The following FOXK2 variants were observed in gnomAD, a reference collection of about 807,000 sequenced individuals.
The protein encoded by FOXK2 is forkhead box protein K2.
Under a neutral mutation model 53.3 loss-of-function variants are expected in FOXK2, and 24 were observed. That is an observed-to-expected ratio of 0.45 (90% CI 0.33 to 0.63). The LOEUF (loss-of-function observed/expected upper bound fraction) is 0.63, where lower values mean the gene tolerates loss of function less well. Among genes scored for constraint, FOXK2 ranks in the 30% least tolerant of loss-of-function variants. The pLI, the probability that FOXK2 is intolerant of heterozygous loss-of-function variation, is 0.03. For missense variants in FOXK2, 952 were observed against 910.5 expected (o/e 1.05, Z -0.59); for synonymous variants, 505 against 407.1 (o/e 1.24, Z -2.89).
chr17:82,537,619 C>CAAAA (rs963026198), intron 1 of FOXK2, among the ~76,000 whole-genome samples: 5 of 53,026 alleles, frequency 9.4e-5, no homozygotes, highest in Non-Finnish European at 1.4e-4. Flanking sequence ...GACTCCATCT[C>CAAAA]AAAAAAAAAA....
In FOXK2 at chr17:82,568,197, C is replaced by T. The variant is rs914896269; in HGVS notation, c.758C>T (p.Pro253Leu). 19 of 1,612,016 alleles carry T rather than the reference C, an allele frequency of 1.2e-5. No individual in the cohort carries two copies. The highest frequency in any genetic ancestry group is 2.0e-4 in the Middle Eastern group (1 of 4,958). ...NEKEASGGDS[P>L]KDDSKPPYSY... ...AAGGAAGCTTCAGGTGGAGACAGCC[C>T]GAAGGTAAAGGCTTTGTAGCCTTGA... The change falls in exon 3 of 9, where the codon CCG (proline) becomes CTG (leucine). Residue 253 changes from proline to leucine, a missense_variant. Physicochemically the swap from Pro to Leu is moderately conservative, Grantham distance 98. This residue lies in a region of FOXK2 where 160 missense variants were observed against 214.2 expected (regional missense o/e 0.75). Coordinates refer to ENST00000335255, the MANE Select transcript of FOXK2 (RefSeq NM_004514.4).
At chr17:82,568,745 C>T (rs1411390013) in intron 3 of FOXK2, among the ~76,000 whole-genome samples, 1 of 152,190 alleles carries the variant, frequency 6.6e-6, no homozygotes, top group Non-Finnish European at 1.5e-5. Flanking sequence ...TGTGGTGGCT[C>T]ATGCCTGTAA....
At chr17:82,534,478 C>T (rs1238306032) in intron 1 of FOXK2, among the ~76,000 whole-genome samples, 1 of 152,218 alleles carries the variant, frequency 6.6e-6, no homozygotes, top group Non-Finnish European at 1.5e-5. Context: ...TCTTCTGCTT[C>T]TCCTGCAGAG....
At chr17:82,583,789 G>A (rs1326868977) in intron 5 of FOXK2, among the ~76,000 whole-genome samples, 2 of 152,222 alleles carry the variant, frequency 1.3e-5, no homozygotes. Context: ...GCGTATGTGG[G>A]TGAGGGCCCG....
intron 1 of FOXK2, among the ~76,000 whole-genome samples, chr17:82,560,449 A>G (rs918962500): frequency 6.6e-6 from 1 of 152,106 alleles, no homozygotes; most frequent in African/African-American, 2.4e-5. Context: ...ATTTAAGGGA[A>G]GCGGTCTCAC....
At chr17:82,537,709 A>G (rs1009181511) in intron 1 of FOXK2, among the ~76,000 whole-genome samples, 4 of 150,314 alleles carry the variant, frequency 2.7e-5, no homozygotes, top group African/African-American at 9.8e-5. Context: ...GCAGGTCACG[A>G]GGTCAAGAGA....
rs746556436 is a variant in FOXK2, at chr17:82,563,557, A to G, written c.614+9A>G. ...CCCACGGGAACCATCAGGTGCGGCC[A>G]TGGGGATGGGGGACTGGAGCATCCT... is the stretch of plus-strand genomic sequence containing the variant. On this transcript the variant is annotated intron_variant, in intron 2 of 8. Transcript: ENST00000335255. The G allele has an allele frequency of 7.5e-6, 12 of 1,610,426 alleles. No individual in the cohort carries two copies. Among genetic ancestry groups the G allele is most frequent in the Non-Finnish European group, 1.0e-5 (12 of 1,177,840 alleles).
In FOXK2 at chr17:82,595,866, C is replaced by G. The variant is rs1428759536; in HGVS notation, c.1787-5437C>G. 3.1e-6 allele frequency: 4 copies of G among 1,288,132 alleles called. No homozygotes were observed. The South Asian group carries it at 5.0e-5, about 16-fold the overall frequency. The allele number at this position is 1,288,132 out of a possible 1,614,324, so 79.8% of individuals were successfully genotyped here. ...CACAGCAGGCCCCATCCAGACAGAC[C>G]AGCAGGTGCTTCTGGAGACAAGAGC... On this transcript the variant is annotated intron_variant, in intron 8 of 8. Transcript: ENST00000335255.
chr17:82,532,676 T>A (rs2044483866), intron 1 of FOXK2, among the ~76,000 whole-genome samples: 2 of 152,138 alleles, frequency 1.3e-5, no homozygotes, highest in South Asian at 4.1e-4. Flanking sequence ...AACCTCTGCC[T>A]CCCGGGTTCG....
At chr17:82,534,074 C>CA (rs781376612) in intron 1 of FOXK2, among the ~76,000 whole-genome samples, 7,665 of 127,192 alleles carry the variant, frequency 0.06, 234 homozygotes, top group Middle Eastern at 0.12. Context: ...GACACTGTCT[C>CA]AAAAAAAAAA....
At chr17:82,532,097 C>T (rs1447698567) in intron 1 of FOXK2, among the ~76,000 whole-genome samples, 3 of 149,342 alleles carry the variant, frequency 2.0e-5, no homozygotes, top group East Asian at 2.0e-4. Flanking sequence ...TAAACACCTA[C>T]CTTGGCCTCC....
intron 4 of FOXK2, chr17:82,577,013 T>C (rs62078140): frequency 0.034 from 13,782 of 410,392 alleles, 305 homozygotes; most frequent in Non-Finnish European, 0.043. Context: ...TACAATATTA[T>C]TAGCGGGGTG....
chr17:82,568,589 C>T (rs1168015656), intron 3 of FOXK2, among the ~76,000 whole-genome samples: 1 of 152,194 alleles, frequency 6.6e-6, no homozygotes, highest in Non-Finnish European at 1.5e-5. Flanking sequence ...GTATAGGGCA[C>T]GTTTGTCACT....
intron 4 of FOXK2, among the ~76,000 whole-genome samples, chr17:82,575,717 G>A (rs891542033): frequency 9.9e-5 from 15 of 152,154 alleles, no homozygotes; most frequent in African/African-American, 3.6e-4. Flanking sequence ...GCCGAGACAA[G>A]CTGTGATCAC....
intron 4 of FOXK2, among the ~76,000 whole-genome samples, chr17:82,580,017 T>C (rs2045039489): frequency 1.8e-5 from 2 of 113,606 alleles, no homozygotes; most frequent in Admixed American, 1.7e-4. Flanking sequence ...AGCCCACCTC[T>C]CCATGTCGCC....
At chr17:82,569,386 G>A (rs536082844) in intron 3 of FOXK2, among the ~76,000 whole-genome samples, 2 of 152,332 alleles carry the variant, frequency 1.3e-5, no homozygotes, top group South Asian at 4.1e-4. Flanking sequence ...GTTTAAGGAT[G>A]CAGCCAAGTG....
intron 1 of FOXK2, among the ~76,000 whole-genome samples, chr17:82,541,821 T>C (rs1345466420): frequency 1.3e-5 from 2 of 151,416 alleles, no homozygotes; most frequent in Non-Finnish European, 2.9e-5. Flanking sequence ...AGGGATCCTC[T>C]TTACCTCAGC....
intron 1 of FOXK2, among the ~76,000 whole-genome samples, chr17:82,528,461 G>A (rs1245244195): frequency 1.3e-5 from 2 of 152,044 alleles, no homozygotes; most frequent in South Asian, 2.1e-4. Context: ...GGTTTTTGGA[G>A]CAATTTATAA....
intron 1 of FOXK2, among the ~76,000 whole-genome samples, chr17:82,556,253 G>A (rs1451036522): frequency 6.6e-6 from 1 of 152,014 alleles, no homozygotes; most frequent in Admixed American, 6.6e-5. Flanking sequence ...AGACCATCCT[G>A]GACAACATGG....
Sources: gnomAD v4.1 joint callset for allele counts (sites outside exome capture counted in the v4.1 genomes callset) on GRCh38, gnomAD v4.1.1 for gene constraint, gnomAD v4.1.1 regional missense constraint, MANE v1.5 for transcripts, NCBI Gene and HGNC (gene_info 2026-07-23, HGNC 2026-07-21) for gene names.